The following ISOC2 variants were observed in gnomAD, a reference collection of about 807,000 sequenced individuals.
The protein encoded by ISOC2 is isochorismatase domain containing 2, also known as isochorismatase domain-containing protein 2.
Under a neutral mutation model 19.3 loss-of-function variants are expected in ISOC2, and 15 were observed. The observed-to-expected ratio is 0.78, with a 90% CI of 0.52 to 1.20. ISOC2 has a LOEUF of 1.20. Among genes scored for constraint, ISOC2 ranks in the 50% most tolerant of loss-of-function variants. The probability of loss-of-function intolerance (pLI) is 0.00; values close to 1 mark genes in which losing one functional copy is unlikely to be tolerated. For missense variants in ISOC2, 285 were observed against 272.4 expected (o/e 1.05, Z -0.33); for synonymous variants, 106 against 115.8 (o/e 0.92, Z 0.54).
intron 1 of ISOC2, among the ~76,000 whole-genome samples, chr19:55,458,491 A>G (rs1295549958): frequency 6.6e-6 from 1 of 151,414 alleles, no homozygotes; most frequent in Non-Finnish European, 1.5e-5. Flanking sequence ...TGGGAAGCTG[A>G]GGGAGGCAGG....
intron 5 of ISOC2, chr19:55,454,771 A>C: frequency 5.4e-6 from 3 of 552,540 alleles, no homozygotes; most frequent in Non-Finnish European, 6.5e-6. Context: ...GACCCTCTGG[A>C]TTGCCTCCCC....
intron 1 of ISOC2, among the ~76,000 whole-genome samples, chr19:55,460,557 A>G (rs929388642): frequency 2.0e-5 from 3 of 152,234 alleles, no homozygotes; most frequent in African/African-American, 7.2e-5. Context: ...AAACTGATCT[A>G]TGGCGTCAGA....
chr19:55,461,150 GGGC>G (rs1986224901), intron 1 of ISOC2, among the ~76,000 whole-genome samples: 1 of 152,134 alleles, frequency 6.6e-6, no homozygotes, highest in African/African-American at 2.4e-5. Flanking sequence ...GGCTGGAGGT[GGGC>G]GGCAACAGGG....
chr19:55,461,474 C>G (rs1986237002), intron 1 of ISOC2, 38 bp downstream of exon 1: 1 of 152,260 alleles, frequency 6.6e-6, no homozygotes, highest in South Asian at 2.1e-4. Flanking sequence ...GCGGTAAGGT[C>G]GGTCTCCAAA....
At chr19:55,460,499 G>A (rs542826221) in intron 1 of ISOC2, among the ~76,000 whole-genome samples, 1 of 152,272 alleles carries the variant, frequency 6.6e-6, no homozygotes, top group South Asian at 2.1e-4. Context: ...AAGTTGTCTA[G>A]TCAATACTAT....
intron 5 of ISOC2, chr19:55,454,660 C>G (rs778113746): frequency 1.4e-4 from 48 of 350,848 alleles, no homozygotes; most frequent in Middle Eastern, 8.9e-4. Context: ...CTGTTCTTCC[C>G]CAGTGTCCGC....
Position 55,456,383 on chromosome 19 carries a change from G to T in ISOC2, c.104C>A (p.Pro35Gln), listed in dbSNP as rs1006827885. The stretch of plus-strand genomic sequence containing the variant: ...GCGGGCAGCCACTGAGACGATCTGT[G>T]GGAAGTAGGCGATGTTGTGGCGGAA... ...EKFRHNIAYF[P>Q]QIVSVAARML... Residue 35 changes from proline (P) to glutamine (Q), a missense_variant, in exon 2 of 6, where the codon CCA becomes CAA. Pro to Gln is a moderately conservative substitution (Grantham distance 76). Coordinates refer to ENST00000425675, the MANE Select transcript of ISOC2 (RefSeq NM_001136201.2). 8.1e-6 allele frequency: 13 copies of T among 1,613,938 alleles called. No individual in the cohort carries two copies. The highest frequency in any genetic ancestry group is 1.1e-5 in the Non-Finnish European group (13 of 1,179,908).
intron 1 of ISOC2, among the ~76,000 whole-genome samples, chr19:55,459,164 T>A (rs1047190465): frequency 1.3e-5 from 2 of 151,844 alleles, no homozygotes; most frequent in Non-Finnish European, 2.9e-5. Context: ...CTCGAACTCC[T>A]GGGTTCAAGC....
At position 55,456,355 on chromosome 19, in the gene ISOC2, C is replaced by T. The variant is rs1456774385; in HGVS notation, c.132G>A (p.Met44Ile). 6.2e-7 allele frequency: 1 copy of T among 1,613,402 alleles called. No individual in the cohort carries two copies. The highest frequency in any genetic ancestry group is 1.3e-5 in the African/African-American group (1 of 74,734). Residue 44 changes from methionine (M) to isoleucine (I), a missense_variant, in exon 2 of 6, where the codon ATG (methionine) becomes ATA (isoleucine). Met to Ile is a conservative substitution (Grantham distance 10). Coordinates refer to ENST00000425675, the MANE Select transcript of ISOC2 (RefSeq NM_001136201.2). ...FPQIVSVAAR[M>I]LKVARLLEVP... is the part of the protein sequence containing the mutation. ...TGGGGGGCTGAGGTCATACCTTGAG[C>T]ATGCGGGCAGCCACTGAGACGATCT...
chr19:55,453,007 C>G lies in ISOC2; in HGVS notation c.*301G>C. The stretch of plus-strand genomic sequence containing the variant: ...GTCCACAGCCACATATATGTTTATT[C>G]TGCGAGTCCGTGTCCCACAGTCTGA... On this transcript the variant is annotated 3_prime_UTR_variant, in exon 6 of 6. Transcript: ENST00000425675. 2 of 274,636 alleles carry G rather than the reference C, an allele frequency of 7.3e-6. No homozygotes were observed. The highest frequency in any genetic ancestry group is 1.5e-4 in the South Asian group (2 of 13,258). The allele number at this position is 274,636 out of a possible 1,614,324, so 17.0% of individuals were successfully genotyped here. A position where few individuals can be genotyped will look rare whatever the true frequency, so the allele number is the denominator to read the frequency against.
intron 1 of ISOC2, among the ~76,000 whole-genome samples, chr19:55,457,817 G>A (rs1986108921): frequency 8.1e-6 from 1 of 124,022 alleles, no homozygotes; most frequent in South Asian, 2.6e-4. Context: ...GACAATAAGA[G>A]CAAAACTCCA....
At chr19:55,460,975 C>T (rs553547793) in intron 1 of ISOC2, among the ~76,000 whole-genome samples, 3 of 151,706 alleles carry the variant, frequency 2.0e-5, no homozygotes, top group Non-Finnish European at 2.9e-5. Flanking sequence ...TAGGGGATCC[C>T]GGGGAGGGGA....
At position 55,455,618 on chromosome 19, in the gene ISOC2, G is replaced by T; in HGVS notation, c.348+18C>A. On this transcript the variant is annotated intron_variant, in intron 3 of 5. Transcript: ENST00000425675. ...CCAGGTTAGAACGAGGGACCCCTGG[G>T]GTCAGTCAGCATCTCACCAAGATGC... The T allele has an allele frequency of 6.4e-7, 1 of 1,562,902 alleles. No individual in the cohort carries two copies. Among genetic ancestry groups the T allele is most frequent in the South Asian group, 1.2e-5 (1 of 85,608 alleles).
At chr19:55,454,808 T>C (rs1985989687) in intron 5 of ISOC2, 181 bp downstream of exon 5, 1 of 625,288 alleles carries the variant, frequency 1.6e-6, no homozygotes, top group Admixed American at 2.7e-5. Flanking sequence ...GTGGCCCTTA[T>C]GGTCCATCTG....
chr19:55,453,564 A>G (rs1236445622), intron 5 of ISOC2, 176 bp from the exon 6 acceptor site: 2 of 475,440 alleles, frequency 4.2e-6, no homozygotes. Context: ...ATTACACGTG[A>G]CTGGTTGAGC....
At chr19:55,461,149 T>G (rs1599886581) in intron 1 of ISOC2, among the ~76,000 whole-genome samples, 1 of 146,806 alleles carries the variant, frequency 6.8e-6, no homozygotes. Context: ...TGGCTGGAGG[T>G]GGGCGGCAAC....
At position 55,453,083 on chromosome 19, in the gene ISOC2, C is replaced by T. The variant is rs1467773835; in HGVS notation, c.*225G>A. The T allele has an allele frequency of 4.0e-6, 2 of 496,592 alleles. No homozygotes were observed. The highest frequency in any genetic ancestry group is 2.0e-5 in the African/African-American group (1 of 50,148). 30.8% of individuals were successfully genotyped at this position (496,592 alleles called of 1,614,324 possible). On this transcript the variant is annotated 3_prime_UTR_variant, in exon 6 of 6. Transcript: ENST00000425675. ...CCCCGTGAAGTGGCCCGGGGCCGAG[C>T]CCCGCCTCCATCTTGGCTCAGCCAA...
chr19:55,456,456 C>T lies in ISOC2; in HGVS notation c.31G>A (p.Val11Ile), dbSNP rs758899328. The T allele has an allele frequency of 2.8e-5, 45 of 1,613,276 alleles. No homozygotes were observed. The Admixed American group carries it at 7.3e-4, about 26-fold the overall frequency. The change falls in exon 2 of 6, where the codon GTC (valine) becomes ATC (isoleucine). Residue 11 changes from valine to isoleucine, a missense_variant. Val to Ile is a conservative substitution (Grantham distance 29). Coordinates refer to ENST00000425675, the MANE Select transcript of ISOC2 (RefSeq NM_001136201.2). MAAARPSLGRVLPGSSVLFLC... is the reference protein window; with the variant it reads MAAARPSLGRILPGSSVLFLC... The stretch of plus-strand genomic sequence containing the variant: ...AACAGGACAGAGGATCCTGGGAGGA[C>T]TCGGCCCAGGCTGGGCCTGGCAGCC...
At chr19:55,455,169 G>T (rs1467189955) in intron 4 of ISOC2, 63 bp from the exon 5 acceptor site, 1 of 1,569,838 alleles carries the variant, frequency 6.4e-7, no homozygotes, top group African/African-American at 1.3e-5. Context: ...ACCCAGACAC[G>T]CAGGCACCCT....
Sources: gnomAD v4.1 joint callset for allele counts (sites outside exome capture counted in the v4.1 genomes callset) on GRCh38, gnomAD v4.1.1 for gene constraint, MANE v1.5 for transcripts, NCBI Gene and HGNC (gene_info 2026-07-23, HGNC 2026-07-21) for gene names.